CACNA2D3: variants seen among roughly 807,000 people sequenced by gnomAD.
The protein encoded by CACNA2D3 is calcium voltage-gated channel auxiliary subunit alpha2delta 3, also known as voltage-dependent calcium channel subunit alpha-2/delta-3.
In CACNA2D3, 60 loss-of-function variants were observed where a neutral mutation model predicts 160.6. That is an observed-to-expected ratio of 0.37 (90% CI 0.30 to 0.46). The LOEUF is 0.46. Ranked by LOEUF, CACNA2D3 falls within the 20% of genes least tolerant of loss-of-function variation. CACNA2D3 has a pLI of 1.00. For missense variants in CACNA2D3, 1,205 were observed against 1,365.0 expected (o/e 0.88, Z 1.85); for synonymous variants, 558 against 492.9 (o/e 1.13, Z -1.75).
chr3:54,836,378 G>C (rs1350020059), intron 14 of CACNA2D3, among the ~76,000 whole-genome samples: 3 of 151,884 alleles, frequency 2.0e-5, no homozygotes, highest in African/African-American at 7.3e-5. Context: ...GGGACTACAG[G>C]CACCTGCCAC....
intron 4 of CACNA2D3, among the ~76,000 whole-genome samples, chr3:54,486,272 A>G (rs1037204967): frequency 6.6e-6 from 1 of 152,144 alleles, no homozygotes; most frequent in Non-Finnish European, 1.5e-5. Context: ...TTTGAATTCC[A>G]TCAAGCACTT....
At chr3:54,677,610 G>GT (rs1223720791) in intron 11 of CACNA2D3, among the ~76,000 whole-genome samples, 1,301 of 122,696 alleles carry the variant, frequency 0.011, 24 homozygotes, top group African/African-American at 0.036. Flanking sequence ...AATAGTTTTT[G>GT]TTTTTTTTTT....
chr3:55,059,886 C>G (rs1385092277), intron 35 of CACNA2D3, among the ~76,000 whole-genome samples: 1 of 152,068 alleles, frequency 6.6e-6, no homozygotes, highest in Non-Finnish European at 1.5e-5. Context: ...AAACTCCTTT[C>G]AACATTCAGA....
chr3:54,131,392 G>A (rs1463377566), intron 2 of CACNA2D3, among the ~76,000 whole-genome samples: 3 of 152,206 alleles, frequency 2.0e-5, no homozygotes, highest in Admixed American at 6.5e-5. Context: ...AATTGGGGTT[G>A]CCACATCTGC....
chr3:54,544,786 G>GT (rs1702035142), intron 5 of CACNA2D3, among the ~76,000 whole-genome samples: 1 of 152,012 alleles, frequency 6.6e-6, no homozygotes, highest in Non-Finnish European at 1.5e-5. Flanking sequence ...GAGTAACAGA[G>GT]TTTTCAGTTC....
At chr3:54,606,549 A>T (rs1698630009) in intron 9 of CACNA2D3, among the ~76,000 whole-genome samples, 1 of 152,106 alleles carries the variant, frequency 6.6e-6, no homozygotes, top group Non-Finnish European at 1.5e-5. Context: ...AGAGACAAGG[A>T]TGATGCTAGG....
intron 2 of CACNA2D3, among the ~76,000 whole-genome samples, chr3:54,159,776 T>G (rs1700309119): frequency 6.6e-6 from 1 of 152,156 alleles, no homozygotes; most frequent in Non-Finnish European, 1.5e-5. Flanking sequence ...AAAATATTGC[T>G]CTTTTCCCTG....
chr3:54,319,624 C>A (rs1394708633), intron 2 of CACNA2D3, among the ~76,000 whole-genome samples: 1 of 152,126 alleles, frequency 6.6e-6, no homozygotes, highest in Non-Finnish European at 1.5e-5. Flanking sequence ...TTTAGTTAAA[C>A]CGTGTTTTGG....
chr3:54,896,588 G>T, intron 25 of CACNA2D3, 161 bp from the exon 26 acceptor site: 1 of 707,746 alleles, frequency 1.4e-6, no homozygotes, highest in Non-Finnish European at 2.4e-6. Flanking sequence ...GAGTAATCTG[G>T]GGTGCACAGT....
At chr3:54,336,805 C>T (rs535014616) in intron 3 of CACNA2D3, among the ~76,000 whole-genome samples, 1 of 152,184 alleles carries the variant, frequency 6.6e-6, no homozygotes, top group East Asian at 1.9e-4. Flanking sequence ...CGAAACAATG[C>T]ATAAGAAATA....
At chr3:54,549,849 G>T (rs756221882) in intron 5 of CACNA2D3, among the ~76,000 whole-genome samples, 17 of 152,288 alleles carry the variant, frequency 1.1e-4, no homozygotes, top group Non-Finnish European at 2.2e-4. Context: ...CAGATGGCAG[G>T]CTCACAAAAT....
chr3:54,740,769 G>C (rs560868719), intron 11 of CACNA2D3, among the ~76,000 whole-genome samples: 1 of 152,334 alleles, frequency 6.6e-6, no homozygotes, highest in Non-Finnish European at 1.5e-5. Context: ...CTAATTCCTA[G>C]TGACAGGGAG....
At chr3:54,437,478 G>A (rs558911510) in intron 4 of CACNA2D3, among the ~76,000 whole-genome samples, 180 of 152,308 alleles carry the variant, frequency 1.2e-3, no homozygotes, top group African/African-American at 4.2e-3. Flanking sequence ...CATCTGTTAA[G>A]TCAGGTTCTT....
intron 5 of CACNA2D3, among the ~76,000 whole-genome samples, chr3:54,526,706 T>C (rs1255775518): frequency 6.6e-6 from 1 of 152,200 alleles, no homozygotes; most frequent in East Asian, 1.9e-4. Flanking sequence ...TTGTTGTTTT[T>C]TCGAGATGGA....
chr3:54,365,317 G>C (rs1698810108), intron 3 of CACNA2D3, among the ~76,000 whole-genome samples: 1 of 152,174 alleles, frequency 6.6e-6, no homozygotes, highest in Non-Finnish European at 1.5e-5. Flanking sequence ...TATTCCAGCA[G>C]ATAAGATGTG....
At chr3:55,042,927 A>G (rs1022998359) in intron 35 of CACNA2D3, among the ~76,000 whole-genome samples, 4 of 152,224 alleles carry the variant, frequency 2.6e-5, no homozygotes, top group Non-Finnish European at 5.9e-5. Context: ...TTATATCAGC[A>G]TAATGCATTT....
intron 4 of CACNA2D3, among the ~76,000 whole-genome samples, chr3:54,465,765 G>A (rs999394655): frequency 5.3e-5 from 8 of 152,198 alleles, no homozygotes; most frequent in African/African-American, 1.7e-4. Flanking sequence ...TGCATAACTC[G>A]TTAACATTAA....
At chr3:54,276,661 G>A (rs1000184037) in intron 2 of CACNA2D3, among the ~76,000 whole-genome samples, 1 of 152,120 alleles carries the variant, frequency 6.6e-6, no homozygotes, top group Non-Finnish European at 1.5e-5. Flanking sequence ...GGTATTTTGA[G>A]GCAGGGAAAA....
At chr3:54,455,385 AT>A in intron 4 of CACNA2D3, among the ~76,000 whole-genome samples, 1 of 152,204 alleles carries the variant, frequency 6.6e-6, no homozygotes, top group Non-Finnish European at 1.5e-5. Flanking sequence ...ATGCCAGATT[AT>A]TTTGAGAGAT....
Sources: gnomAD v4.1 joint callset for allele counts (sites outside exome capture counted in the v4.1 genomes callset) on GRCh38, gnomAD v4.1.1 for gene constraint, MANE v1.5 for transcripts, NCBI Gene and HGNC (gene_info 2026-07-23, HGNC 2026-07-21) for gene names.